The following GLI3 variants were observed in gnomAD, a reference collection of about 807,000 sequenced individuals.
GLI3 encodes transcription activator GLI3.
GLI3 carries 20 observed loss-of-function variants against 100.8 expected under a neutral mutation model. The ratio of observed to expected loss-of-function variants is 0.20; its 90% CI spans 0.14 to 0.29. The LOEUF (loss-of-function observed/expected upper bound fraction) is 0.29. Among genes scored for constraint, GLI3 ranks in the 10% least tolerant of loss-of-function variants. The pLI is 1.00. For synonymous variants in GLI3, 938 were observed against 860.5 expected (o/e 1.09, Z -1.58); for missense variants, 2,040 against 2,128.5 (o/e 0.96, Z 0.82).
rs61730503 is a variant in GLI3 at position 41,966,271 on chromosome 7, C to G, written c.2802G>C (p.Ala934=). 5 of 1,607,900 alleles carry G rather than the reference C, an allele frequency of 3.1e-6. No individual in the cohort carries two copies. The South Asian group carries it at 3.3e-5, about 11-fold the overall frequency. ...AQQYRLKAKY[A]AATGGPPPTP... ...TCGGCGGCGGCCCTCCTGTGGCAGC[C>G]GCGTACTTGGCCTTGAGGCGGTACT... The change falls in exon 15 of 15, where the codon GCG becomes GCC. Residue 934 remains alanine (A), a synonymous_variant. Coordinates refer to ENST00000395925, the MANE Select transcript of GLI3 (RefSeq NM_000168.6). This position sits in a 1 kb window ranked among gnomAD's most constrained non-coding sequence, Gnocchi z 5.8.
intron 1 of GLI3, among the ~76,000 whole-genome samples, chr7:42,247,172 A>G (rs940437575): frequency 6.6e-6 from 1 of 152,204 alleles, no homozygotes; most frequent in African/African-American, 2.4e-5. Flanking sequence ...AAAGGGATTC[A>G]ATATTTTTAT....
At chr7:42,215,030 TTTTGTTTG>T (rs535315546) in intron 2 of GLI3, among the ~76,000 whole-genome samples, 3 of 152,056 alleles carry the variant, frequency 2.0e-5, no homozygotes, top group Admixed American at 6.5e-5. Flanking sequence ...GAAACAGGTT[TTTTGTTTG>T]TTTGTTTGTT....
chr7:42,071,959 A>AGG lies in GLI3; in HGVS notation c.473+4791_473+4792dup, dbSNP rs1784791708. Among the ~76,000 whole-genome samples the AGG allele has an allele frequency of 2.0e-5, 3 of 152,284 alleles. No individual in the cohort carries two copies. The East Asian group carries it at 5.8e-4, about 29-fold the overall frequency. The stretch of plus-strand genomic sequence containing the variant: ...CCAGAGAGTGTCAGGCAGCCTTGGA[A>AGG]GGAGACACATTGACTCAACAAAGAA... On this transcript the variant is annotated intron_variant, in intron 4 of 14. Coordinates refer to ENST00000395925, the MANE Select transcript of GLI3 (RefSeq NM_000168.6).
intron 3 of GLI3, among the ~76,000 whole-genome samples, chr7:42,083,621 T>C (rs140251080): frequency 6.2e-4 from 94 of 152,330 alleles, no homozygotes; most frequent in Middle Eastern, 3.4e-3. Flanking sequence ...TGACAAACCC[T>C]ATTCCAGTGT....
intron 10 of GLI3, among the ~76,000 whole-genome samples, chr7:41,989,870 C>T (rs1041480117): frequency 6.8e-6 from 1 of 146,668 alleles, no homozygotes; most frequent in African/African-American, 2.5e-5. Context: ...TCATTTCTAA[C>T]AAAAAATAAA....
intron 1 of GLI3, among the ~76,000 whole-genome samples, chr7:42,243,534 T>C (rs1788944358): frequency 6.6e-6 from 1 of 152,210 alleles, no homozygotes; most frequent in African/African-American, 2.4e-5. Context: ...CTTTGCTAAA[T>C]CAATTCACTC....
In GLI3 at chr7:42,076,822, C is replaced by A. The variant is rs753387815; in HGVS notation, c.403G>T (p.Val135Leu). The A allele has an allele frequency of 1.2e-6, 2 of 1,613,180 alleles. No individual in the cohort carries two copies. Among genetic ancestry groups the A allele is most frequent in the Non-Finnish European group, 1.7e-6 (2 of 1,179,226 alleles). ...PHLFPAFHPP[V>L]PIDARHHEGR... ...TCATGATGTCTGGCATCAATTGGTA[C>A]AGGAGGATGGAAGGCAGGGAAAAGA... The change falls in exon 4 of 15, where the codon GTA (valine) becomes TTA (leucine). Residue 135 changes from valine (V) to leucine (L), a missense_variant. By Grantham distance (32) the Val-to-Leu change is conservative. Coordinates refer to ENST00000395925, the MANE Select transcript of GLI3 (RefSeq NM_000168.6).
chr7:42,225,895 C>T (rs562153019), intron 1 of GLI3, among the ~76,000 whole-genome samples: 3 of 152,320 alleles, frequency 2.0e-5, no homozygotes, highest in South Asian at 2.1e-4. Flanking sequence ...GACAAGGCTT[C>T]TACTTTCCCA....
chr7:42,120,151 C>T, intron 3 of GLI3, among the ~76,000 whole-genome samples: 1 of 152,136 alleles, frequency 6.6e-6, no homozygotes, highest in East Asian at 1.9e-4. Flanking sequence ...ACTTTAGCAG[C>T]CCCACTGCCC....
chr7:42,200,646 G>A (rs1788019815), intron 2 of GLI3, among the ~76,000 whole-genome samples: 1 of 152,126 alleles, frequency 6.6e-6, no homozygotes, highest in Non-Finnish European at 1.5e-5. Flanking sequence ...GTTTTCTTGT[G>A]TCTGAACAAA....
At chr7:42,171,975 AGGACGGGGGTG>A (rs1411822299) in intron 2 of GLI3, among the ~76,000 whole-genome samples, 1 of 152,096 alleles carries the variant, frequency 6.6e-6, no homozygotes, top group East Asian at 1.9e-4. Context: ...ACGGCTCCAA[AGGACGGGGGTG>A]GGGGTGTCTA....
intron 2 of GLI3, among the ~76,000 whole-genome samples, chr7:42,157,055 T>C (rs1400286062): frequency 6.6e-6 from 1 of 152,202 alleles, no homozygotes; most frequent in Non-Finnish European, 1.5e-5. Flanking sequence ...AGAGTGCATT[T>C]AAATATCACG....
At position 41,966,107 on chromosome 7, in the gene GLI3, C is replaced by A. The variant is rs548918938; in HGVS notation, c.2966G>T (p.Arg989Leu). ...CSDGGAHGYG[R>L]RHLQPHDAPG... Reference sequence around the variant, plus strand: ...CGCATCGTGCGGCTGCAGGTGGCGCCGCCCGTAGCCGTGGGCTCCCCCGTC... The same window carrying A: ...CGCATCGTGCGGCTGCAGGTGGCGCAGCCCGTAGCCGTGGGCTCCCCCGTC... The change falls in exon 15 of 15, where the codon CGG (arginine) becomes CTG (leucine). Residue 989 changes from arginine to leucine, a missense_variant. Around this residue, in one of 5 missense-constraint regions of GLI3, gnomAD observed 1,041 missense variants for 924.0 expected, o/e 1.13. Transcript: ENST00000395925. This position sits in a 1 kb window ranked among gnomAD's most constrained non-coding sequence, Gnocchi z 5.8. The A allele has an allele frequency of 6.1e-5, 96 of 1,572,752 alleles. No individual in the cohort carries two copies. In the South Asian group the frequency reaches 1.0e-3, roughly 17 times the overall value.
intron 4 of GLI3, among the ~76,000 whole-genome samples, chr7:42,056,982 CAA>C (rs11322222): frequency 0.041 from 4,185 of 102,710 alleles, 215 homozygotes; most frequent in African/African-American, 0.14. Flanking sequence ...AACTCCGTCT[CAA>C]AAAAAAAAAA....
At chr7:42,216,979 C>T (rs1387595434) in intron 2 of GLI3, among the ~76,000 whole-genome samples, 1 of 152,150 alleles carries the variant, frequency 6.6e-6, no homozygotes, top group Non-Finnish European at 1.5e-5. Flanking sequence ...CTACAAGTAG[C>T]TGGGAGTCAC....
At chr7:42,078,769 A>G (rs2128752417) in intron 3 of GLI3, among the ~76,000 whole-genome samples, 1 of 129,682 alleles carries the variant, frequency 7.7e-6, no homozygotes, top group East Asian at 2.3e-4. Flanking sequence ...TCACTCAGTC[A>G]CCCAGACTGG....
At chr7:42,017,725 C>CT (rs1448914073) in intron 10 of GLI3, among the ~76,000 whole-genome samples, 4 of 152,232 alleles carry the variant, frequency 2.6e-5, no homozygotes, top group African/African-American at 9.6e-5. Flanking sequence ...CTCTTGGCTT[C>CT]AGTCTAGCGT....
intron 1 of GLI3, among the ~76,000 whole-genome samples, chr7:42,263,241 G>A (rs773443140): frequency 2.0e-5 from 3 of 152,134 alleles, no homozygotes; most frequent in Admixed American, 2.0e-4. Context: ...AGAGCTCAAA[G>A]GGAGTTACTG....
At chr7:41,976,556 G>C (rs1787519102) in intron 12 of GLI3, among the ~76,000 whole-genome samples, 1 of 152,306 alleles carries the variant, frequency 6.6e-6, no homozygotes, top group East Asian at 1.9e-4. Context: ...CTGTCTGAAA[G>C]ATCATGAATG....
Sources: gnomAD v4.1 joint callset for allele counts (sites outside exome capture counted in the v4.1 genomes callset) on GRCh38, gnomAD v4.1.1 for gene constraint, gnomAD v4.1.1 regional missense constraint, Gnocchi (gnomAD v3.1) non-coding constraint, MANE v1.5 for transcripts, NCBI Gene and HGNC (gene_info 2026-07-23, HGNC 2026-07-21) for gene names.